Variants in HNRNPD observed in about 807,000 individuals in gnomAD.
The protein encoded by HNRNPD is heterogeneous nuclear ribonucleoprotein D.
HNRNPD carries 3 observed loss-of-function variants against 47.9 expected under a neutral mutation model. That is an observed-to-expected ratio of 0.06 (90% CI 0.03 to 0.16). HNRNPD has a LOEUF of 0.16. Among genes scored for constraint, HNRNPD ranks in the 10% least tolerant of loss-of-function variants. HNRNPD has a pLI of 1.00. For synonymous variants in HNRNPD, 171 were observed against 165.1 expected, an observed-to-expected ratio of 1.04 and a Z score of -0.28; for missense variants, 287 against 454.2, an observed-to-expected ratio of 0.63 and a Z score of 3.35.
chr4:82,359,149 T>C (rs1269640822), intron 3 of HNRNPD, among the ~76,000 whole-genome samples: 2 of 152,186 alleles, frequency 1.3e-5, no homozygotes, highest in African/African-American at 2.4e-5. Flanking sequence ...AAAATAATGA[T>C]TCAGTTAAAA....
At chr4:82,371,236 G>C (rs1031419427) in intron 2 of HNRNPD, among the ~76,000 whole-genome samples, 1 of 152,000 alleles carries the variant, frequency 6.6e-6, no homozygotes, top group African/African-American at 2.4e-5. Flanking sequence ...TGAAGATTAC[G>C]GTAATATTTT....
intron 2 of HNRNPD, among the ~76,000 whole-genome samples, chr4:82,362,944 T>C (rs1384936602): frequency 6.6e-6 from 1 of 152,080 alleles, no homozygotes; most frequent in Non-Finnish European, 1.5e-5. Context: ...TCTGCTTATC[T>C]TAATTATGGA....
chr4:82,357,520 G>A, intron 4 of HNRNPD, 76 bp from the exon 5 acceptor site: 2 of 1,250,930 alleles, frequency 1.6e-6, no homozygotes, highest in South Asian at 3.1e-5. Flanking sequence ...TTTAGAGGGG[G>A]GAAAACACAC....
chr4:82,373,046 GTGTC>G, intron 1 of HNRNPD: 5 of 448,464 alleles, frequency 1.1e-5, no homozygotes, highest in South Asian at 7.9e-5. Context: ...GAAGCTGTTT[GTGTC>G]TGTGTTTTTA....
Position 82,359,558 on chromosome 4 carries a change from T to C in HNRNPD, c.372A>G (p.Val124=). ...KDYFSKFGEV[V]DCTLKLDPIT... ...TAGGATCTAACTTCAGAGTGCAGTC[T>C]ACAACTTCACCAAATTTGGAAAAGT... The change falls in exon 3 of 9, where the codon GTA becomes GTG. Residue 124 remains valine, a synonymous_variant. Transcript: ENST00000313899. The C allele has an allele frequency of 1.2e-6, 2 of 1,605,620 alleles. No homozygotes were observed. The highest frequency in any genetic ancestry group is 1.3e-5 in the African/African-American group (1 of 74,940).
At chr4:82,363,943 G>A (rs1391802814) in intron 2 of HNRNPD, among the ~76,000 whole-genome samples, 1 of 152,154 alleles carries the variant, frequency 6.6e-6, no homozygotes, top group African/African-American at 2.4e-5. Flanking sequence ...GTTAAGTTTA[G>A]AGGCAATAAA....
chr4:82,365,054 C>T (rs921038742), intron 2 of HNRNPD, among the ~76,000 whole-genome samples: 2 of 152,094 alleles, frequency 1.3e-5, no homozygotes, highest in African/African-American at 2.4e-5. Flanking sequence ...TCTATAACTT[C>T]GTATTATTTT....
At chr4:82,361,799 T>A (rs190501228) in intron 2 of HNRNPD, among the ~76,000 whole-genome samples, 2 of 152,208 alleles carry the variant, frequency 1.3e-5, no homozygotes. Flanking sequence ...AAGCATATCA[T>A]CAGCTGGCCC....
Position 82,373,855 on chromosome 4 carries a change from C to G in HNRNPD, c.-177G>C, listed in dbSNP as rs1472566395. ...TCCTGCGCCTCTCCCTGGCCTGCCC[C>G]CTTCGCCTCCCACTCTCGCGCGGCG... On this transcript the variant is annotated 5_prime_UTR_variant, in exon 1 of 9. Coordinates refer to ENST00000313899, the MANE Select transcript of HNRNPD (RefSeq NM_031370.3). The G allele has an allele frequency of 1.8e-5, 24 of 1,361,544 alleles. 1 individual carries two copies. In the South Asian group the frequency reaches 2.6e-4, roughly 15 times the overall value. 84.3% of individuals were successfully genotyped at this position (1,361,544 alleles called of 1,614,324 possible). A position where few individuals can be genotyped will look rare whatever the true frequency, so the allele number is the denominator to read the frequency against.
At chr4:82,366,871 A>C (rs539295954) in intron 2 of HNRNPD, among the ~76,000 whole-genome samples, 76 of 150,210 alleles carry the variant, frequency 5.1e-4, no homozygotes, top group African/African-American at 1.7e-3. Flanking sequence ...TAAAAATAAA[A>C]CACTTTAAGA....
chr4:82,359,548 G>A lies in HNRNPD; in HGVS notation c.382C>T (p.Leu128=). ...CGCCCTGTGATAGGATCTAACTTCAGAGTGCAGTCTACAACTTCACCAAAT... is the reference window on the plus strand; with the variant it reads ...CGCCCTGTGATAGGATCTAACTTCAAAGTGCAGTCTACAACTTCACCAAAT... ...SKFGEVVDCT[L]KLDPITGRSR... The change falls in exon 3 of 9, where the codon CTG becomes TTG. Residue 128 remains leucine, a synonymous_variant. Coordinates refer to ENST00000313899, the MANE Select transcript of HNRNPD (RefSeq NM_031370.3). 1 of 1,605,818 alleles carries A rather than the reference G, an allele frequency of 6.2e-7. No homozygotes were observed. The highest frequency in any genetic ancestry group is 1.1e-5 in the South Asian group (1 of 90,462).
intron 2 of HNRNPD, among the ~76,000 whole-genome samples, chr4:82,370,508 T>C (rs1002581847): frequency 6.7e-6 from 1 of 149,292 alleles, no homozygotes; most frequent in African/African-American, 2.5e-5. Context: ...ATAACATTCA[T>C]CGAAACTGTG....
At chr4:82,362,716 C>A (rs1014229777) in intron 2 of HNRNPD, among the ~76,000 whole-genome samples, 3 of 152,030 alleles carry the variant, frequency 2.0e-5, no homozygotes, top group South Asian at 2.1e-4. Flanking sequence ...GATTCTCATT[C>A]CTCAGCCTCC....
chr4:82,368,160 T>C (rs1384097669), intron 2 of HNRNPD, among the ~76,000 whole-genome samples: 1 of 152,202 alleles, frequency 6.6e-6, no homozygotes, highest in Non-Finnish European at 1.5e-5. Flanking sequence ...AATTACTCTA[T>C]TCCTTTTTAA....
chr4:82,356,571 A>G lies in HNRNPD; in HGVS notation c.966T>C (p.Gly322=). 1 of 1,610,578 alleles carries G rather than the reference A, an allele frequency of 6.2e-7. No homozygotes were observed. Among genetic ancestry groups the G allele is most frequent in the Non-Finnish European group, 8.5e-7 (1 of 1,178,498 alleles). ...CACCATATCCATAGTAGTTGTTGTA[A>G]CCAGTGTAGTCATATCCTCCATAAC... The part of the protein sequence containing the change: ...YGGYGGYDYT[G]YNNYYGYGDY... The change falls in exon 7 of 9, where the codon GGT becomes GGC. Residue 322 remains glycine (G), a synonymous_variant. Transcript: ENST00000313899.
At chr4:82,372,276 C>G (rs1366484991) in intron 1 of HNRNPD, among the ~76,000 whole-genome samples, 1 of 152,160 alleles carries the variant, frequency 6.6e-6, no homozygotes, top group Non-Finnish European at 1.5e-5. Flanking sequence ...CCTGCTAACT[C>G]CCGTATTATG....
intron 2 of HNRNPD, among the ~76,000 whole-genome samples, chr4:82,371,075 G>C (rs1265640285): frequency 6.6e-6 from 1 of 151,938 alleles, no homozygotes; most frequent in Non-Finnish European, 1.5e-5. Context: ...ACACAGTGCT[G>C]CTTAAAGAAC....
chr4:82,354,576 T>C (rs1723638569), intron 8 of HNRNPD: 3 of 152,658 alleles, frequency 2.0e-5, no homozygotes, highest in Admixed American at 2.0e-4. Flanking sequence ...TATAGGAAGT[T>C]GTCACAACAG....
At chr4:82,367,835 T>C (rs539452051) in intron 2 of HNRNPD, among the ~76,000 whole-genome samples, 1 of 152,330 alleles carries the variant, frequency 6.6e-6, no homozygotes, top group East Asian at 1.9e-4. Context: ...TATCAACTAT[T>C]AGGGCACTGG....
Sources: gnomAD v4.1 joint callset for allele counts (sites outside exome capture counted in the v4.1 genomes callset) on GRCh38, gnomAD v4.1.1 for gene constraint, MANE v1.5 for transcripts, NCBI Gene and HGNC (gene_info 2026-07-23, HGNC 2026-07-21) for gene names.